NHSL1: variants seen among roughly 807,000 people sequenced by gnomAD.
The protein encoded by NHSL1 is NHS-like protein 1.
Under a neutral mutation model 95.0 loss-of-function variants are expected in NHSL1, and 48 were observed. That is an observed-to-expected ratio of 0.51 (90% CI 0.40 to 0.64). NHSL1 has a LOEUF of 0.64. NHSL1 is among the 30% of genes least tolerant of loss of function. NHSL1 has a pLI of 0.00. For missense variants in NHSL1, 1,971 were observed against 2,077.7 expected (o/e 0.95, Z 1.00); for synonymous variants, 783 against 833.9 (o/e 0.94, Z 1.05).
At chr6:138,451,117 C>T (rs563477550) in intron 3 of NHSL1, among the ~76,000 whole-genome samples, 63 of 152,300 alleles carry the variant, frequency 4.1e-4, no homozygotes, top group African/African-American at 1.5e-3. Flanking sequence ...CCTCCAAGAC[C>T]CTACATGATC....
At chr6:138,541,280 T>A (rs1228415846) in intron 1 of NHSL1, among the ~76,000 whole-genome samples, 1 of 152,048 alleles carries the variant, frequency 6.6e-6, no homozygotes, top group Non-Finnish European at 1.5e-5. Flanking sequence ...GGCAAGAGAA[T>A]CACTTGAACC....
intron 4 of NHSL1, among the ~76,000 whole-genome samples, chr6:138,446,265 G>GACCTCAGGTGATCTGCCC (rs1776859240): frequency 6.6e-6 from 1 of 152,084 alleles, no homozygotes; most frequent in African/African-American, 2.4e-5. Context: ...TCAAACTCCT[G>GACCTCAGGTGATCTGCCC]ACCTCAGGTG....
intron 1 of NHSL1, among the ~76,000 whole-genome samples, chr6:138,515,297 C>T (rs1240264996): frequency 8.5e-5 from 13 of 152,160 alleles, no homozygotes; most frequent in Admixed American, 1.3e-4. Context: ...TGGCAGGGAG[C>T]TTTTAACTGG....
At chr6:138,643,377 A>G (rs1171676852) in intron 1 of NHSL1, among the ~76,000 whole-genome samples, 1 of 152,188 alleles carries the variant, frequency 6.6e-6, no homozygotes, top group African/African-American at 2.4e-5. Context: ...ATGAACCAAC[A>G]TTGACCCGTC....
chr6:138,424,236 C>T lies in NHSL1; in HGVS notation c.4666G>A (p.Ala1556Thr). The change falls in exon 8 of 8, where the codon GCG (alanine) becomes ACG (threonine). Residue 1556 changes from alanine to threonine, a missense_variant. This residue lies in a region of NHSL1 where 223 missense variants were observed against 217.0 expected (regional missense o/e 1.03). Coordinates refer to ENST00000343505, the MANE Select transcript of NHSL1 (RefSeq NM_001144060.2). This position sits in a 1 kb window ranked among gnomAD's most constrained non-coding sequence, Gnocchi z 5.9. The stretch of plus-strand genomic sequence containing the variant: ...CCGCCCTCGTCCATCTCCTCCCTCG[C>T]CAGTCCGTCCAGGGAACATCCCTCC... ...AAEGCSLDGL[A>T]REEMDEGGLL... 1 of 1,506,208 alleles carries T rather than the reference C, an allele frequency of 6.6e-7. No individual in the cohort carries two copies. Among genetic ancestry groups the T allele is most frequent in the Non-Finnish European group, 8.9e-7 (1 of 1,127,854 alleles). The allele number at this position is 1,506,208 out of a possible 1,614,324, so 93.3% of individuals were successfully genotyped here.
At position 138,431,072 on chromosome 6, in the gene NHSL1, C is replaced by T; in HGVS notation, c.3273G>A (p.Gln1091=). The T allele has an allele frequency of 6.4e-7, 1 of 1,551,986 alleles. No individual in the cohort carries two copies. The highest frequency in any genetic ancestry group is 8.7e-7 in the Non-Finnish European group (1 of 1,147,050). The change falls in exon 6 of 8, where the codon CAG becomes CAA. Residue 1091 remains glutamine (Q), a synonymous_variant. Coordinates refer to ENST00000343505, the MANE Select transcript of NHSL1 (RefSeq NM_001144060.2). This position sits in a 1 kb window ranked among gnomAD's most constrained non-coding sequence, Gnocchi z 4.0. ...VRKNSGAEAA[Q]LSERTAQEQR... is the part of the protein sequence containing the mutation. ...GTTCCTGAGCTGTTCGTTCAGACAA[C>T]TGTGCCGCCTCAGCGCCTGAGTTCT...
chr6:138,482,466 A>G (rs1204212781), intron 2 of NHSL1, among the ~76,000 whole-genome samples: 1 of 144,100 alleles, frequency 6.9e-6, no homozygotes, highest in Non-Finnish European at 1.5e-5. Flanking sequence ...AAAAAAAAAA[A>G]GGAGGATGAA....
upstream of NHSL1, among the ~76,000 whole-genome samples, chr6:138,547,549 G>GT (rs879261456): frequency 3.4e-4 from 51 of 151,816 alleles, no homozygotes; most frequent in Admixed American, 1.1e-3. Flanking sequence ...CCCGGCTAAT[G>GT]TTTTTTTGTA....
At chr6:138,458,932 T>C (rs1469147974) in intron 3 of NHSL1, among the ~76,000 whole-genome samples, 1 of 152,214 alleles carries the variant, frequency 6.6e-6, no homozygotes, top group African/African-American at 2.4e-5. Flanking sequence ...GTGAGCTTTC[T>C]GATATTAACG....
intron 1 of NHSL1, among the ~76,000 whole-genome samples, chr6:138,496,761 A>C (rs1422912253): frequency 6.6e-6 from 1 of 152,244 alleles, no homozygotes; most frequent in Non-Finnish European, 1.5e-5. Context: ...ATGCCATCGC[A>C]ACAGTAAATG....
intron 3 of NHSL1, 109 bp downstream of exon 3, chr6:138,473,197 C>T: frequency 9.2e-6 from 9 of 979,342 alleles, no homozygotes; most frequent in Non-Finnish European, 1.2e-5. Flanking sequence ...TGAGACAATA[C>T]TATTGATTAA....
intron 3 of NHSL1, among the ~76,000 whole-genome samples, chr6:138,453,745 TG>T (rs1777395339): frequency 6.6e-6 from 1 of 151,864 alleles, no homozygotes; most frequent in Non-Finnish European, 1.5e-5. Context: ...GACAGGGTCC[TG>T]CACATTGCCC....
chr6:138,545,027 G>A (rs939756491), intron 1 of NHSL1, among the ~76,000 whole-genome samples: 1 of 83,296 alleles, frequency 1.2e-5, no homozygotes, highest in African/African-American at 4.3e-5. Context: ...TTTCACTCTT[G>A]TTGCCCAGGC....
Position 138,692,073 on chromosome 6 carries a change from T to C in NHSL1, c.96+403A>G, listed in dbSNP as rs776442429. 77 of 456,436 alleles carry C rather than the reference T, an allele frequency of 1.7e-4. 2 individuals are homozygous for C. Among genetic ancestry groups the C allele is most frequent in the South Asian group, 1.1e-3 (71 of 64,548 alleles). 28.3% of individuals were successfully genotyped at this position (456,436 alleles called of 1,614,324 possible). A position where few individuals can be genotyped will look rare whatever the true frequency, so the allele number is the denominator to read the frequency against. ...AGTCTCCAAAACTGTAACTACTATATGCCCAAATTTATATTCTCCCCTGGC... is the reference window on the plus strand; with the variant it reads ...AGTCTCCAAAACTGTAACTACTATACGCCCAAATTTATATTCTCCCCTGGC... On this transcript the variant is annotated intron_variant, in intron 1 of 3. Coordinates refer to the NHSL1 transcript ENST00000491526. This position sits in a 1 kb window ranked among gnomAD's most constrained non-coding sequence, Gnocchi z 4.0.
intron 1 of NHSL1, among the ~76,000 whole-genome samples, chr6:138,498,503 T>C (rs146159995): frequency 3.3e-5 from 5 of 152,326 alleles, no homozygotes; most frequent in African/African-American, 1.2e-4. Flanking sequence ...CCCATGTTCA[T>C]TTATCCAGTA....
intron 1 of NHSL1, among the ~76,000 whole-genome samples, chr6:138,614,383 T>TA (rs1169920439): frequency 6.6e-6 from 1 of 152,226 alleles, no homozygotes; most frequent in Non-Finnish European, 1.5e-5. Context: ...GAAACCATCC[T>TA]AGCCCTGGGC....
intron 1 of NHSL1, among the ~76,000 whole-genome samples, chr6:138,685,985 C>T (rs140523720): frequency 6.6e-6 from 1 of 152,126 alleles, no homozygotes; most frequent in East Asian, 1.9e-4. Context: ...AAATGAAACT[C>T]ATAGAAGCAG....
chr6:138,660,554 T>A (rs895441484), intron 1 of NHSL1, among the ~76,000 whole-genome samples: 1 of 150,840 alleles, frequency 6.6e-6, no homozygotes, highest in African/African-American at 2.4e-5. Context: ...GGCAGGAGAA[T>A]GGCATGAACC....
intron 1 of NHSL1, among the ~76,000 whole-genome samples, chr6:138,533,232 A>G (rs1354994844): frequency 6.6e-6 from 1 of 152,172 alleles, no homozygotes; most frequent in East Asian, 1.9e-4. Flanking sequence ...AAAGGGTAGA[A>G]AGACCAAATG....
Sources: allele counts gnomAD v4.1 joint callset (sites outside exome capture counted in the v4.1 genomes callset), GRCh38; gene constraint gnomAD v4.1.1; regional missense constraint gnomAD v4.1.1; non-coding constraint Gnocchi (gnomAD v3.1); transcripts MANE v1.5; gene names NCBI Gene and HGNC (gene_info 2026-07-23, HGNC 2026-07-21).